Variants in SLC9C2 observed in about 807,000 individuals in gnomAD.
SLC9C2 encodes sodium/hydrogen exchanger 11.
Under a neutral mutation model 140.2 loss-of-function variants are expected in SLC9C2, and 75 were observed. The ratio of observed to expected loss-of-function variants is 0.53; its 90% CI spans 0.44 to 0.65. The LOEUF (loss-of-function observed/expected upper bound fraction) is 0.65. SLC9C2 is among the 30% of genes least tolerant of loss of function. The pLI is 0.00. For missense variants in SLC9C2, 1,074 were observed against 1,331.8 expected (o/e 0.81, Z 3.01); for synonymous variants, 375 against 420.9 (o/e 0.89, Z 1.34).
Position 173,600,072 on chromosome 1 carries a change from T to C in SLC9C2, c.228+45A>G, listed in dbSNP as rs766210124. The C allele has an allele frequency of 1.4e-5, 19 of 1,326,376 alleles. No homozygotes were observed. The Admixed American group carries it at 3.7e-4, about 26-fold the overall frequency. 82.2% of individuals were successfully genotyped at this position (1,326,376 alleles called of 1,614,324 possible). A position where few individuals can be genotyped will look rare whatever the true frequency, so the allele number is the denominator to read the frequency against. Reference sequence around the variant, plus strand: ...GATGAGATGGGAGTGGACTTTATTTTTGGCATTTTTTCCTTTATTCTCTAA... The same window carrying C: ...GATGAGATGGGAGTGGACTTTATTTCTGGCATTTTTTCCTTTATTCTCTAA... On this transcript the variant is annotated intron_variant, in intron 3 of 27. Coordinates refer to ENST00000367714, the MANE Select transcript of SLC9C2 (RefSeq NM_178527.4).
chr1:173,563,339 T>C (rs1012739629), intron 9 of SLC9C2, among the ~76,000 whole-genome samples: 3 of 152,100 alleles, frequency 2.0e-5, no homozygotes, highest in African/African-American at 7.2e-5. Context: ...CTAGTGAGTT[T>C]GAAACTTAAA....
intron 4 of SLC9C2, among the ~76,000 whole-genome samples, chr1:173,590,071 C>A (rs1010085473): frequency 1.3e-5 from 2 of 151,954 alleles, no homozygotes; most frequent in East Asian, 1.9e-4. Flanking sequence ...GGTGAAACCC[C>A]GTCTCTACTA....
At chr1:173,531,721 C>T (rs1661590987) in intron 17 of SLC9C2, among the ~76,000 whole-genome samples, 2 of 152,182 alleles carry the variant, frequency 1.3e-5, no homozygotes, top group Admixed American at 1.3e-4. Context: ...TACTGCGGCG[C>T]CGCCAGCCCA....
At chr1:173,538,665 T>G (rs1386708320) in intron 13 of SLC9C2, among the ~76,000 whole-genome samples, 1 of 152,120 alleles carries the variant, frequency 6.6e-6, no homozygotes, top group African/African-American at 2.4e-5. Context: ...CAACTGAGTT[T>G]TAAGGAGAAG....
At chr1:173,587,599 A>G (rs976324552) in intron 5 of SLC9C2, 66 bp downstream of exon 5, 4 of 1,444,040 alleles carry the variant, frequency 2.8e-6, no homozygotes, top group Non-Finnish European at 3.7e-6. Flanking sequence ...CAAGAAAAAT[A>G]TAATCAAAAG....
At chr1:173,502,489 C>A (rs1313996803) in intron 27 of SLC9C2, among the ~76,000 whole-genome samples, 1 of 152,040 alleles carries the variant, frequency 6.6e-6, no homozygotes, top group African/African-American at 2.4e-5. Context: ...CTAATAGAGA[C>A]CTCTACAGTC....
chr1:173,554,707 A>G, intron 11 of SLC9C2, 26 bp downstream of exon 11: 1 of 1,452,518 alleles, frequency 6.9e-7, no homozygotes, highest in Non-Finnish European at 9.7e-7. Flanking sequence ...TCCCCAGCTA[A>G]TTCATGAATG....
chr1:173,565,271 A>C (rs1335888556), intron 9 of SLC9C2, among the ~76,000 whole-genome samples: 2 of 152,188 alleles, frequency 1.3e-5, no homozygotes, highest in African/African-American at 4.8e-5. Context: ...ATTACTCAAG[A>C]AATCTATGCC....
At chr1:173,542,316 TTGAATGGC>T (rs56793572) in intron 13 of SLC9C2, among the ~76,000 whole-genome samples, 29,519 of 151,856 alleles carry the variant, frequency 0.19, 4,079 homozygotes, top group East Asian at 0.64. Flanking sequence ...CAGGAAGAAG[TTGAATGGC>T]TGAATAGACC....
At chr1:173,549,118 C>A (rs535261835) in intron 11 of SLC9C2, among the ~76,000 whole-genome samples, 3 of 152,262 alleles carry the variant, frequency 2.0e-5, no homozygotes, top group African/African-American at 7.2e-5. Flanking sequence ...GGCTCACTTA[C>A]CAAAGAGAAG....
At chr1:173,517,815 T>C (rs1021967028) in intron 22 of SLC9C2, 111 bp from the exon 23 acceptor site, 5 of 901,820 alleles carry the variant, frequency 5.5e-6, no homozygotes, top group Non-Finnish European at 7.8e-6. Flanking sequence ...GGGAAAGATC[T>C]CCTGTCAGGT....
chr1:173,554,025 T>C (rs1339798811), intron 11 of SLC9C2, among the ~76,000 whole-genome samples: 1 of 152,176 alleles, frequency 6.6e-6, no homozygotes, highest in African/African-American at 2.4e-5. Flanking sequence ...ACCGAATGTG[T>C]CTATTTGTTA....
Position 173,547,035 on chromosome 1 carries a change from A to G in SLC9C2, c.1557+654T>C, listed in dbSNP as rs113848304. ...ATTACACTATTCTATCTACTTTTGC[A>G]TATGTTAGGAATTCTTAATATTGAC... On this transcript the variant is annotated intron_variant, in intron 13 of 27. Transcript: ENST00000367714. Among the ~76,000 whole-genome samples, 198 of 152,234 alleles carry G rather than the reference A, an allele frequency of 1.3e-3. 2 individuals are homozygous for G. The highest frequency in any genetic ancestry group is 4.6e-3 in the African/African-American group (192 of 41,554).
chr1:173,600,964 G>A (rs1243240128), intron 2 of SLC9C2, among the ~76,000 whole-genome samples: 1 of 152,162 alleles, frequency 6.6e-6, no homozygotes, highest in Non-Finnish European at 1.5e-5. Flanking sequence ...CTAATCCCTA[G>A]TGTTGAATTG....
At chr1:173,528,710 T>C (rs1207714984) in intron 18 of SLC9C2, among the ~76,000 whole-genome samples, 1 of 152,178 alleles carries the variant, frequency 6.6e-6, no homozygotes, top group Non-Finnish European at 1.5e-5. Context: ...AGGCCATCCA[T>C]GGTTTTATGT....
chr1:173,582,445 GAAGAT>G (rs906389460), intron 6 of SLC9C2, among the ~76,000 whole-genome samples: 7 of 152,180 alleles, frequency 4.6e-5, no homozygotes, highest in Admixed American at 1.3e-4. Context: ...ATTGGAAAAT[GAAGAT>G]AAGAAATTTT....
At chr1:173,537,485 C>A (rs1171865435) in intron 13 of SLC9C2, among the ~76,000 whole-genome samples, 2 of 151,984 alleles carry the variant, frequency 1.3e-5, no homozygotes, top group Non-Finnish European at 2.9e-5. Flanking sequence ...TCGCTTGAAC[C>A]CAGGAGGCGG....
At chr1:173,557,542 C>T (rs535265163) in intron 9 of SLC9C2, 34 bp from the exon 10 acceptor site, 1 of 1,569,560 alleles carries the variant, frequency 6.4e-7, no homozygotes, top group Non-Finnish European at 8.7e-7. Context: ...ATAAATCTCA[C>T]CTTGTTTATT....
At position 173,536,999 on chromosome 1, in the gene SLC9C2, AT is replaced by A. The variant is rs1358710316; in HGVS notation, c.1597del (p.Ile533Ter). On this transcript the variant is annotated frameshift_variant, in exon 14 of 28. Transcript: ENST00000367714. LOFTEE classifies it high-confidence loss of function. ...ACCAATTAATATCCGGGCTGCCTCT[AT>A]TTCAAGAATTCCATTGTTACGCTGT... ...EKQRNNGILEIEAARILIGAA... is the reference protein window; with the variant it reads ...EKQRNNGILEXEAARILIGAA... 1 of 1,613,826 alleles carries A rather than the reference AT, an allele frequency of 6.2e-7. No homozygotes were observed.
Sources: gnomAD v4.1 joint callset for allele counts (sites outside exome capture counted in the v4.1 genomes callset) on GRCh38, gnomAD v4.1.1 for gene constraint, MANE v1.5 for transcripts, NCBI Gene and HGNC (gene_info 2026-07-23, HGNC 2026-07-21) for gene names.